TLN2: variants seen among roughly 807,000 people sequenced by gnomAD.
TLN2 encodes talin-2.
TLN2 carries 118 observed loss-of-function variants against 294.7 expected under a neutral mutation model. That is an observed-to-expected ratio of 0.40 (90% confidence interval 0.34 to 0.47). TLN2 has a LOEUF of 0.47. TLN2 is among the 20% of genes least tolerant of loss of function. The probability of loss-of-function intolerance (pLI) is 0.84; values close to 1 mark genes in which losing one functional copy is unlikely to be tolerated. For synonymous variants in TLN2, 1,431 were observed against 1,304.5 expected, an observed-to-expected ratio of 1.10 and a Z score of -2.09; for missense variants, 3,083 against 3,282.2, an observed-to-expected ratio of 0.94 and a Z score of 1.48.
chr15:62,475,949 C>T (rs2037760898), intron 1 of TLN2, among the ~76,000 whole-genome samples: 1 of 152,200 alleles, frequency 6.6e-6, no homozygotes. Flanking sequence ...CTATTCCTGG[C>T]CTTGCTGTTC....
intron 9 of TLN2, among the ~76,000 whole-genome samples, chr15:62,672,805 AC>A (rs2055589729): frequency 6.6e-6 from 1 of 152,104 alleles, no homozygotes; most frequent in Admixed American, 6.5e-5. Context: ...GGGGGTTGCC[AC>A]CAGGTTGTGC....
intron 50 of TLN2, 103 bp downstream of exon 50, chr15:62,800,872 C>T: frequency 2.2e-6 from 2 of 907,140 alleles, no homozygotes; most frequent in Non-Finnish European, 3.3e-6. Context: ...ACCTAAAACA[C>T]CTGAACTGAG....
At chr15:62,483,598 C>G (rs2038226178) in intron 1 of TLN2, among the ~76,000 whole-genome samples, 2 of 152,200 alleles carry the variant, frequency 1.3e-5, no homozygotes, top group Non-Finnish European at 2.9e-5. Flanking sequence ...GCCTTGACTT[C>G]CTTCCTCTGG....
At chr15:62,665,526 T>C (rs939421556) in intron 9 of TLN2, among the ~76,000 whole-genome samples, 8 of 152,194 alleles carry the variant, frequency 5.3e-5, no homozygotes, top group Admixed American at 2.6e-4. Context: ...GTCCAAGGGC[T>C]GAGTGTGGGC....
At chr15:62,668,095 T>TACA (rs1018585006) in intron 9 of TLN2, among the ~76,000 whole-genome samples, 14 of 152,236 alleles carry the variant, frequency 9.2e-5, no homozygotes, top group African/African-American at 2.6e-4. Flanking sequence ...CAGGCTCAGT[T>TACA]ACATAGCATA....
At chr15:62,413,260 A>G (rs1262422651) in intron 1 of TLN2, among the ~76,000 whole-genome samples, 1 of 152,158 alleles carries the variant, frequency 6.6e-6, no homozygotes, top group Non-Finnish European at 1.5e-5. Flanking sequence ...ATGGGGTTAG[A>G]TATAAAGCCT....
chr15:62,797,864 G>C (rs1469069746), intron 48 of TLN2, among the ~76,000 whole-genome samples: 6 of 152,326 alleles, frequency 3.9e-5, no homozygotes, highest in African/African-American at 1.2e-4. Flanking sequence ...TTCAGCGACT[G>C]TTGCCATAGA....
intron 14 of TLN2, among the ~76,000 whole-genome samples, chr15:62,697,266 C>T (rs2058408217): frequency 6.6e-6 from 1 of 151,954 alleles, no homozygotes; most frequent in Non-Finnish European, 1.5e-5. Context: ...TACCACCACT[C>T]GGGACTGAGT....
At chr15:62,576,703 T>C (rs910329598) in intron 1 of TLN2, among the ~76,000 whole-genome samples, 1 of 114,758 alleles carries the variant, frequency 8.7e-6, no homozygotes, top group Admixed American at 1.4e-4. Context: ...TGGAGGAAAT[T>C]TGTTCCTCGA....
chr15:62,495,479 G>T (rs143140167), intron 1 of TLN2, among the ~76,000 whole-genome samples: 1,940 of 152,268 alleles, frequency 0.013, 14 homozygotes, highest in Middle Eastern at 0.034. Context: ...GGGTAAAGTG[G>T]GACCTCCCTG....
intron 1 of TLN2, among the ~76,000 whole-genome samples, chr15:62,556,924 G>A (rs1442516171): frequency 2.0e-5 from 3 of 152,060 alleles, no homozygotes; most frequent in Non-Finnish European, 4.4e-5. Context: ...TGTAATCAGG[G>A]GAAAATATTT....
Position 62,502,561 on chromosome 15 carries a change from G to T in TLN2, c.-237-87126G>T, listed in dbSNP as rs139636354. Among the ~76,000 whole-genome samples the T allele has an allele frequency of 7.4e-3, 1,133 of 152,264 alleles. 19 individuals are homozygous for T. The highest frequency in any genetic ancestry group is 0.026 in the African/African-American group (1,082 of 41,548). On this transcript the variant is annotated intron_variant, in intron 1 of 58. Coordinates refer to ENST00000636159, the MANE Select transcript of TLN2 (RefSeq NM_015059.3). ...CCTGGTGATACGAGGGGTCTAAGTG[G>T]TGAGTTTCAGACAGAAATCATCTGT...
intron 1 of TLN2, among the ~76,000 whole-genome samples, chr15:62,532,173 CT>C (rs2041080725): frequency 6.6e-6 from 1 of 152,222 alleles, no homozygotes; most frequent in East Asian, 1.9e-4. Flanking sequence ...TCTTGGCCCC[CT>C]GAGTGGCTGG....
At chr15:62,451,509 T>C (rs1484875142) in intron 1 of TLN2, among the ~76,000 whole-genome samples, 2 of 152,046 alleles carry the variant, frequency 1.3e-5, no homozygotes, top group African/African-American at 2.4e-5. Flanking sequence ...TACAAAAAAT[T>C]AGCTAGGCAT....
intron 1 of TLN2, among the ~76,000 whole-genome samples, chr15:62,431,550 G>A (rs1456382284): frequency 6.6e-6 from 1 of 152,206 alleles, no homozygotes; most frequent in Non-Finnish European, 1.5e-5. Flanking sequence ...CAGGGTTTGT[G>A]CCTGGAAGGA....
At chr15:62,636,390 C>A (rs2050387794) in intron 3 of TLN2, among the ~76,000 whole-genome samples, 1 of 152,100 alleles carries the variant, frequency 6.6e-6, no homozygotes, top group African/African-American at 2.4e-5. Context: ...TCTGTGACTG[C>A]TGGATTGGCA....
At chr15:62,639,452 T>C (rs1015952370) in intron 3 of TLN2, among the ~76,000 whole-genome samples, 5 of 152,224 alleles carry the variant, frequency 3.3e-5, no homozygotes, top group African/African-American at 1.2e-4. Flanking sequence ...TTTGTTCATT[T>C]AGCACTTGAG....
rs1397360391 is a variant in TLN2 at position 62,843,511 on chromosome 15, G to A, written c.*2901G>A. ...TCGGTCAACACAGTCCCTCCAGGTC[G>A]GCTGCAGAGGCAGCTGCCCAGCCTG... On this transcript the variant is annotated 3_prime_UTR_variant, in exon 59 of 59. Transcript: ENST00000636159. The A allele has an allele frequency of 1.3e-5, 2 of 152,242 alleles. No homozygotes were observed. The highest frequency in any genetic ancestry group is 2.9e-5 in the Non-Finnish European group (2 of 68,066). 9.4% of individuals were successfully genotyped at this position (152,242 alleles called of 1,614,324 possible). A position where few individuals can be genotyped will look rare whatever the true frequency, so the allele number is the denominator to read the frequency against.
chr15:62,795,385 T>C (rs758891357), intron 46 of TLN2, among the ~76,000 whole-genome samples: 2 of 152,010 alleles, frequency 1.3e-5, no homozygotes, highest in Admixed American at 6.6e-5. Flanking sequence ...AGGGTGTTAG[T>C]GTGGTCAGGT....
Sources: gnomAD v4.1 joint callset for allele counts (sites outside exome capture counted in the v4.1 genomes callset) on GRCh38, gnomAD v4.1.1 for gene constraint, MANE v1.5 for transcripts, NCBI Gene and HGNC (gene_info 2026-07-23, HGNC 2026-07-21) for gene names.